MAPRE2: variants seen among roughly 807,000 people sequenced by gnomAD.
MAPRE2 encodes microtubule-associated protein RP/EB family member 2.
Under a neutral mutation model 43.2 loss-of-function variants are expected in MAPRE2, and 13 were observed. The ratio of observed to expected loss-of-function variants is 0.30; its 90% CI spans 0.20 to 0.48. The LOEUF is 0.48. MAPRE2 is among the 20% of genes least tolerant of loss of function. The probability of loss-of-function intolerance (pLI) is 0.99; values close to 1 mark genes in which losing one functional copy is unlikely to be tolerated. For missense variants in MAPRE2, 161 were observed against 400.2 expected (o/e 0.40, Z 5.10); for synonymous variants, 135 against 148.8 (o/e 0.91, Z 0.68).
chr18:34,986,829 T>C (rs2097021247), intron 1 of MAPRE2, among the ~76,000 whole-genome samples: 1 of 152,218 alleles, frequency 6.6e-6, no homozygotes, highest in Admixed American at 6.5e-5. Context: ...TAAGATTTGT[T>C]TTGGTGTATC....
At chr18:35,097,390 C>G (rs1164185473) in intron 2 of MAPRE2, 56 bp from the exon 3 acceptor site, 1 of 1,554,220 alleles carries the variant, frequency 6.4e-7, no homozygotes, top group African/African-American at 1.4e-5. Flanking sequence ...TAGCAGTCCT[C>G]TACCACATCT....
chr18:35,081,473 T>A (rs1333913603), intron 2 of MAPRE2, among the ~76,000 whole-genome samples: 1 of 152,228 alleles, frequency 6.6e-6, no homozygotes, highest in Non-Finnish European at 1.5e-5. Flanking sequence ...TGCTGGAGGC[T>A]TCCTTTGGTG....
At chr18:35,103,272 G>T (rs1908760233) in intron 4 of MAPRE2, among the ~76,000 whole-genome samples, 1 of 152,166 alleles carries the variant, frequency 6.6e-6, no homozygotes, top group African/African-American at 2.4e-5. Flanking sequence ...AGATGAAGAG[G>T]AATGAACAAC....
chr18:34,985,234 A>ATT (rs1203796210), intron 1 of MAPRE2, among the ~76,000 whole-genome samples: 1 of 63,146 alleles, frequency 1.6e-5, no homozygotes, highest in Non-Finnish European at 2.7e-5. Flanking sequence ...AATATTATAT[A>ATT]TTATATAATA....
chr18:34,984,019 T>C (rs1342878542), intron 1 of MAPRE2, among the ~76,000 whole-genome samples: 1 of 152,176 alleles, frequency 6.6e-6, no homozygotes, highest in Non-Finnish European at 1.5e-5. Flanking sequence ...TAAAAGGATA[T>C]ACACGGTTAC....
chr18:34,992,109 G>A (rs1378929676), intron 1 of MAPRE2, among the ~76,000 whole-genome samples: 4 of 152,114 alleles, frequency 2.6e-5, no homozygotes, highest in Non-Finnish European at 4.4e-5. Flanking sequence ...GCGACTTTTG[G>A]ACGCTGATTT....
intron 1 of MAPRE2, among the ~76,000 whole-genome samples, chr18:35,069,902 G>A (rs530327713): frequency 3.9e-5 from 6 of 152,174 alleles, no homozygotes; most frequent in Non-Finnish European, 5.9e-5. Flanking sequence ...AATATCACAC[G>A]TAGACTTACA....
At chr18:34,991,368 C>T (rs780778850) in intron 1 of MAPRE2, among the ~76,000 whole-genome samples, 7 of 152,076 alleles carry the variant, frequency 4.6e-5, no homozygotes, top group Non-Finnish European at 8.8e-5. Context: ...CAGGAGAGAC[C>T]GAGTAGAGCT....
At chr18:35,033,957 C>T (rs2097049140) in intron 2 of MAPRE2, among the ~76,000 whole-genome samples, 1 of 149,554 alleles carries the variant, frequency 6.7e-6, no homozygotes, top group East Asian at 2.0e-4. Context: ...TTTACAGATT[C>T]AATGCCATCC....
At chr18:35,034,998 C>T (rs1220965109) in intron 2 of MAPRE2, among the ~76,000 whole-genome samples, 1 of 151,862 alleles carries the variant, frequency 6.6e-6, no homozygotes, top group African/African-American at 2.4e-5. Context: ...TTGACCCAGC[C>T]ATCCCATTAC....
intron 2 of MAPRE2, among the ~76,000 whole-genome samples, chr18:35,095,358 G>T (rs1456539445): frequency 1.9e-5 from 2 of 103,560 alleles, no homozygotes; most frequent in African/African-American, 6.7e-5. Context: ...ACATTTTTAA[G>T]AAAATACACA....
intron 5 of MAPRE2, 109 bp from the exon 6 acceptor site, chr18:35,131,923 T>G: frequency 8.8e-7 from 1 of 1,134,072 alleles, no homozygotes. Flanking sequence ...CATTGGTTAT[T>G]TCTGCTTCTC....
rs1215084168 is a variant in MAPRE2, at chr18:35,041,432, A to G, written c.-108A>G. 3 of 1,577,664 alleles carry G rather than the reference A, an allele frequency of 1.9e-6. No individual in the cohort carries two copies. The highest frequency in any genetic ancestry group is 2.6e-6 in the Non-Finnish European group (3 of 1,161,480). On this transcript the variant is annotated 5_prime_UTR_variant, in exon 1 of 7. Coordinates refer to ENST00000300249, the MANE Select transcript of MAPRE2 (RefSeq NM_014268.4). ...AGCTGGGAGAAGGCAGTGAGCGAGC[A>G]GGCGGCAGGCACGGTCCGTGCGGAG...
chr18:35,135,842 A>C (rs894136741), intron 6 of MAPRE2, among the ~76,000 whole-genome samples: 19 of 152,230 alleles, frequency 1.2e-4, no homozygotes, highest in Admixed American at 1.2e-3. Flanking sequence ...TACAGAGCTG[A>C]GATGGCACAG....
intron 1 of MAPRE2, among the ~76,000 whole-genome samples, chr18:34,993,700 G>A (rs1295754112): frequency 6.6e-6 from 1 of 152,132 alleles, no homozygotes; most frequent in East Asian, 1.9e-4. Flanking sequence ...TCCTGGCCAG[G>A]CCGTGGTGTT....
At chr18:35,068,327 C>A (rs1030041170) in intron 1 of MAPRE2, among the ~76,000 whole-genome samples, 1 of 151,974 alleles carries the variant, frequency 6.6e-6, no homozygotes, top group Non-Finnish European at 1.5e-5. Flanking sequence ...AGGTCTGAGG[C>A]AAGAAATATA....
chr18:35,088,211 A>G (rs1907969175), intron 2 of MAPRE2, among the ~76,000 whole-genome samples: 1 of 152,242 alleles, frequency 6.6e-6, no homozygotes, highest in African/African-American at 2.4e-5. Flanking sequence ...AAGAGTGCTT[A>G]GAAGGCTACT....
At position 34,980,617 on chromosome 18, in the gene MAPRE2, T is replaced by C. The variant is rs2097015724; in HGVS notation, c.-70+3538T>C. Among the ~76,000 whole-genome samples, 3 of 152,162 alleles carry C rather than the reference T, an allele frequency of 2.0e-5. No individual in the cohort carries two copies. In the South Asian group the frequency reaches 6.2e-4, roughly 31 times the overall value. ...TTTTCCAAGACAGACATTCCAGATA[T>C]ATAGAAGCCAAAGTCCTGTCACAAT... On this transcript the variant is annotated intron_variant, in intron 1 of 7. Transcript: ENST00000413393.
chr18:35,005,778 G>C lies in MAPRE2; in HGVS notation c.-8+225G>C, dbSNP rs950980984. The stretch of plus-strand genomic sequence containing the variant: ...TGCTATTAGTAATTCCTCCAAAAAT[G>C]GTCAAGCCAATTAATTAAAGTTTAA... On this transcript the variant is annotated intron_variant, in intron 2 of 7. Transcript: ENST00000413393. 1.2e-4 allele frequency among the ~76,000 whole-genome samples: 18 copies of C among 152,256 alleles called. No individual in the cohort carries two copies. The South Asian group carries it at 3.7e-3, about 32-fold the overall frequency.
Sources: gnomAD v4.1 joint callset for allele counts (sites outside exome capture counted in the v4.1 genomes callset) on GRCh38, gnomAD v4.1.1 for gene constraint, MANE v1.5 for transcripts, NCBI Gene and HGNC (gene_info 2026-07-23, HGNC 2026-07-21) for gene names.